USP54: variants seen among roughly 807,000 people sequenced by gnomAD.
The protein encoded by USP54 is ubiquitin specific peptidase 54.
Under a neutral mutation model 170.5 loss-of-function variants are expected in USP54, and 87 were observed. That is an observed-to-expected ratio of 0.51 (90% CI 0.43 to 0.61). The LOEUF is 0.61. Ranked by LOEUF, USP54 falls within the 20% of genes least tolerant of loss-of-function variation. USP54 has a pLI of 0.00. For synonymous variants in USP54, 655 were observed against 742.8 expected (o/e 0.88, Z 1.92); for missense variants, 1,786 against 2,047.8 (o/e 0.87, Z 2.47).
chr10:73,621,531 C>T (rs1017523877), intron 1 of USP54, among the ~76,000 whole-genome samples: 4 of 141,098 alleles, frequency 2.8e-5, no homozygotes, highest in African/African-American at 5.3e-5. Context: ...ACCCAGGAGG[C>T]GGAGCTTGCA....
At chr10:73,569,454 A>C (rs1407770427) in intron 4 of USP54, among the ~76,000 whole-genome samples, 1 of 152,224 alleles carries the variant, frequency 6.6e-6, no homozygotes, top group South Asian at 2.1e-4. Flanking sequence ...TCCCCAATAA[A>C]CCAATAATTT....
chr10:73,573,206 G>A (rs984243886), intron 3 of USP54, among the ~76,000 whole-genome samples: 1 of 151,880 alleles, frequency 6.6e-6, no homozygotes, highest in African/African-American at 2.4e-5. Context: ...TGGGAGGACC[G>A]CTTGAGCCCA....
At chr10:73,589,446 C>G (rs575871260) in intron 1 of USP54, among the ~76,000 whole-genome samples, 9 of 152,226 alleles carry the variant, frequency 5.9e-5, no homozygotes, top group South Asian at 2.1e-4. Context: ...TTATTAGGCC[C>G]CTGGATAGCA....
chr10:73,586,971 TATAACAAATTTGTCTAAA>T (rs1287497625), intron 1 of USP54, among the ~76,000 whole-genome samples: 1 of 152,230 alleles, frequency 6.6e-6, no homozygotes, highest in Non-Finnish European at 1.5e-5. Context: ...AACTGTCATG[TATAACAAATTTGTCTAAA>T]ATTTGTTAAA....
intron 21 of USP54, 60 bp downstream of exon 21, chr10:73,505,248 C>T: frequency 4.6e-6 from 7 of 1,509,498 alleles, no homozygotes; most frequent in Non-Finnish European, 6.4e-6. Flanking sequence ...CACATCTCTC[C>T]ATAATTCCTT....
intron 1 of USP54, among the ~76,000 whole-genome samples, chr10:73,597,173 T>G (rs1222800504): frequency 6.6e-6 from 1 of 152,202 alleles, no homozygotes; most frequent in Non-Finnish European, 1.5e-5. Flanking sequence ...TAAAGCGAAC[T>G]AACTTTGGGA....
At chr10:73,566,991 C>T (rs1188924255) in intron 4 of USP54, among the ~76,000 whole-genome samples, 1 of 151,898 alleles carries the variant, frequency 6.6e-6, no homozygotes, top group Non-Finnish European at 1.5e-5. Flanking sequence ...ATTCTCATAC[C>T]TCAGCCTCCT....
chr10:73,564,840 A>T (rs942969964), intron 4 of USP54, among the ~76,000 whole-genome samples: 11 of 147,264 alleles, frequency 7.5e-5, no homozygotes, highest in African/African-American at 2.8e-4. Flanking sequence ...AGGTGGGAAG[A>T]TGACTTGAGG....
chr10:73,588,180 T>C (rs1200484787), intron 1 of USP54, among the ~76,000 whole-genome samples: 1 of 151,654 alleles, frequency 6.6e-6, no homozygotes, highest in Non-Finnish European at 1.5e-5. Context: ...AGTGTATCCT[T>C]TTTTTTTTCT....
At chr10:73,584,248 C>T (rs1218982228) in intron 1 of USP54, among the ~76,000 whole-genome samples, 5 of 151,978 alleles carry the variant, frequency 3.3e-5, no homozygotes, top group Admixed American at 2.0e-4. Flanking sequence ...ATTAGCCGGG[C>T]GTGGTGGCAT....
intron 1 of USP54, among the ~76,000 whole-genome samples, chr10:73,600,487 A>G (rs750908285): frequency 6.6e-6 from 1 of 152,202 alleles, no homozygotes; most frequent in Non-Finnish European, 1.5e-5. Context: ...ATGGTACATC[A>G]GGTCAATATT....
At chr10:73,594,948 CAG>C (rs2078607762), upstream of USP54, among the ~76,000 whole-genome samples, 1 of 151,228 alleles carries the variant, frequency 6.6e-6, no homozygotes, top group Admixed American at 6.6e-5. Context: ...TGTTTGAAGA[CAG>C]AGTCTCACTC....
chr10:73,558,335 G>GA (rs769192835), intron 4 of USP54, among the ~76,000 whole-genome samples: 4 of 152,042 alleles, frequency 2.6e-5, no homozygotes, highest in African/African-American at 9.7e-5. Flanking sequence ...AAGTAACACA[G>GA]AAAAAACCCA....
rs1304718870 is a variant in USP54 at position 73,517,297 on chromosome 10, G to C, written c.3129C>G (p.Ala1043=). Residue 1043 remains alanine, a synonymous_variant, in exon 20 of 24, where the codon GCC becomes GCG. Coordinates refer to ENST00000687698, the MANE Select transcript of USP54 (RefSeq NM_001391956.1). ...ANPSPVMPGI[A]TSERGDEHSL... is the part of the protein sequence containing the mutation. ...TGTGTTCATCACCCCTCTCAGAGGT[G>C]GCTATTCCAGGCATCACCGGGGAGG... The C allele has an allele frequency of 6.2e-7, 1 of 1,612,962 alleles. No homozygotes were observed. The highest frequency in any genetic ancestry group is 8.5e-7 in the Non-Finnish European group (1 of 1,179,412).
intron 23 of USP54, chr10:73,499,914 C>A (rs1244039012): frequency 2.0e-5 from 3 of 152,210 alleles, no homozygotes; most frequent in African/African-American, 7.2e-5. Context: ...ATGAAAAATA[C>A]TTTGCAAAAA....
chr10:73,561,587 G>A (rs966575153), intron 4 of USP54, among the ~76,000 whole-genome samples: 4 of 152,202 alleles, frequency 2.6e-5, no homozygotes, highest in African/African-American at 9.7e-5. Flanking sequence ...CAAAGTGAAT[G>A]GCATCTGAAA....
intron 20 of USP54, chr10:73,513,398 G>A (rs2060520726): frequency 1.3e-5 from 2 of 151,820 alleles, no homozygotes; most frequent in South Asian, 2.1e-4. Context: ...CCGGGAGGCG[G>A]AGGTTGCAGT....
At chr10:73,524,631 CACA>C (rs1334417664) in intron 16 of USP54, among the ~76,000 whole-genome samples, 3 of 152,086 alleles carry the variant, frequency 2.0e-5, no homozygotes, top group Non-Finnish European at 2.9e-5. Context: ...TGGAGTGCTT[CACA>C]ACAATAGTAT....
At chr10:73,520,834 G>A in intron 18 of USP54, 74 bp downstream of exon 18, 2 of 1,598,972 alleles carry the variant, frequency 1.3e-6, no homozygotes, top group South Asian at 2.2e-5. Context: ...TATCCTGTCT[G>A]AGTGACAACA....
Sources: gnomAD v4.1 joint callset for allele counts (sites outside exome capture counted in the v4.1 genomes callset) on GRCh38, gnomAD v4.1.1 for gene constraint, MANE v1.5 for transcripts, NCBI Gene and HGNC (gene_info 2026-07-23, HGNC 2026-07-21) for gene names.